Variants in CNTN5 observed in about 807,000 individuals in gnomAD.
CNTN5 encodes the protein contactin 5.
Under a neutral mutation model 129.1 loss-of-function variants are expected in CNTN5, and 77 were observed. The observed-to-expected ratio is 0.60, with a 90% confidence interval of 0.50 to 0.72. CNTN5 has a LOEUF of 0.72. CNTN5 is among the 30% of genes least tolerant of loss of function. The pLI is 0.00. For missense variants in CNTN5, 1,478 were observed against 1,328.8 expected, an observed-to-expected ratio of 1.11 and a Z score of -1.75; for synonymous variants, 509 against 465.6, an observed-to-expected ratio of 1.09 and a Z score of -1.20.
chr11:99,287,589 G>A (rs1397675976), intron 1 of CNTN5, among the ~76,000 whole-genome samples: 1 of 151,896 alleles, frequency 6.6e-6, no homozygotes, highest in Admixed American at 6.6e-5. Flanking sequence ...GAATATAGAG[G>A]ATCAAAACAT....
At chr11:99,328,870 C>CAAAAAAAAAAAAAAAAAACAAAA (rs10542347) in intron 2 of CNTN5, among the ~76,000 whole-genome samples, 1 of 87,652 alleles carries the variant, frequency 1.1e-5, no homozygotes, top group African/African-American at 4.6e-5. Flanking sequence ...AACTCCATCT[C>CAAAAAAAAAAAAAAAAAACAAAA]AAAAAAAAAA....
At chr11:100,274,687 A>G (rs1216062739) in intron 18 of CNTN5, among the ~76,000 whole-genome samples, 1 of 152,224 alleles carries the variant, frequency 6.6e-6, no homozygotes, top group Non-Finnish European at 1.5e-5. Flanking sequence ...CAAATGAGAT[A>G]CCATCTCATG....
intron 3 of CNTN5, among the ~76,000 whole-genome samples, chr11:99,809,662 C>T (rs1189025678): frequency 6.6e-6 from 1 of 152,012 alleles, no homozygotes; most frequent in Non-Finnish European, 1.5e-5. Flanking sequence ...TGATACTGAA[C>T]ATAATGAAAC....
chr11:100,308,235 T>C, intron 20 of CNTN5, 124 bp from the exon 21 acceptor site: 1 of 808,998 alleles, frequency 1.2e-6, no homozygotes, highest in Non-Finnish European at 1.9e-6. Flanking sequence ...TTGTGTTTTT[T>C]ATAACTACCA....
At chr11:100,044,149 CACAT>C (rs936524937) in intron 9 of CNTN5, among the ~76,000 whole-genome samples, 4 of 116,440 alleles carry the variant, frequency 3.4e-5, no homozygotes, top group Admixed American at 1.9e-4. Context: ...TGTATGTACA[CACAT>C]ATATATTACA....
In CNTN5 at chr11:99,578,032, T is replaced by C. The variant is rs189882033; in HGVS notation, c.55+21763T>C. Among the ~76,000 whole-genome samples, 594 of 137,602 alleles carry C rather than the reference T, an allele frequency of 4.3e-3. 21 individuals are homozygous for C. The East Asian group carries it at 0.097, about 22-fold the overall frequency. The allele number at this position is 137,602 out of a possible 152,430, so 90.3% of individuals were successfully genotyped here. ...TGTGATGTTCCCCTTCCAGTGTCCA[T>C]GTGTTCTCATTGTTCAATTCCCATC... On this transcript the variant is annotated intron_variant, in intron 3 of 24. Coordinates refer to ENST00000524871, the MANE Select transcript of CNTN5 (RefSeq NM_014361.4).
At chr11:100,121,288 T>C (rs770249437) in intron 13 of CNTN5, among the ~76,000 whole-genome samples, 3 of 152,082 alleles carry the variant, frequency 2.0e-5, no homozygotes, top group Non-Finnish European at 4.4e-5. Context: ...ACCAAGACTA[T>C]TGGATCCATA....
At chr11:99,862,265 C>G (rs1948229750) in intron 6 of CNTN5, among the ~76,000 whole-genome samples, 1 of 152,158 alleles carries the variant, frequency 6.6e-6, no homozygotes, top group Non-Finnish European at 1.5e-5. Flanking sequence ...AATACATTCA[C>G]TTTTACATGA....
chr11:99,167,432 C>T (rs1860924710), intron 1 of CNTN5, among the ~76,000 whole-genome samples: 1 of 152,108 alleles, frequency 6.6e-6, no homozygotes, highest in Non-Finnish European at 1.5e-5. Flanking sequence ...ATTTGACCAA[C>T]ACTTATACTG....
Position 99,150,506 on chromosome 11 carries a change from G to A in CNTN5, c.-210+129236G>A, listed in dbSNP as rs1232490380. Among the ~76,000 whole-genome samples, 5 of 151,820 alleles carry A rather than the reference G, an allele frequency of 3.3e-5. No individual in the cohort carries two copies. In the South Asian group the frequency reaches 1.0e-3, roughly 31 times the overall value. On this transcript the variant is annotated intron_variant, in intron 1 of 24. Transcript: ENST00000524871. ...ATAAATATATTACATATAAATAATT[G>A]TAGTTCATTTTGCCTTTTCCTTAAA...
chr11:99,876,786 A>G (rs1228541180), intron 6 of CNTN5, among the ~76,000 whole-genome samples: 4 of 152,166 alleles, frequency 2.6e-5, no homozygotes, highest in Non-Finnish European at 5.9e-5. Context: ...TGAGGCTCAG[A>G]TATATTAAGT....
intron 1 of CNTN5, among the ~76,000 whole-genome samples, chr11:99,072,392 G>T (rs1006321073): frequency 2.6e-5 from 4 of 152,022 alleles, no homozygotes; most frequent in African/African-American, 9.7e-5. Flanking sequence ...CTATTCAATT[G>T]AATAATATCA....
chr11:100,018,404 T>C (rs1238493152), intron 9 of CNTN5, among the ~76,000 whole-genome samples: 1 of 151,998 alleles, frequency 6.6e-6, no homozygotes, highest in African/African-American at 2.4e-5. Context: ...ACTGAAATCA[T>C]ACAATATCTA....
chr11:99,124,302 A>G (rs1858508629), intron 1 of CNTN5, among the ~76,000 whole-genome samples: 1 of 151,960 alleles, frequency 6.6e-6, no homozygotes. Context: ...TGTGAATGGG[A>G]TTATTTTCCA....
At chr11:99,059,882 G>C (rs1864803332) in intron 1 of CNTN5, among the ~76,000 whole-genome samples, 1 of 152,010 alleles carries the variant, frequency 6.6e-6, no homozygotes, top group South Asian at 2.1e-4. Context: ...AATGCCACTT[G>C]TGATTGTAAT....
rs527528445 is a variant in CNTN5 at position 99,232,184 on chromosome 11, A to G, written c.-209-93162A>G. Among the ~76,000 whole-genome samples the G allele has an allele frequency of 3.9e-5, 6 of 152,072 alleles. 1 individual carries two copies. Among genetic ancestry groups the G allele is most frequent in the African/African-American group, 7.2e-5 (3 of 41,384 alleles). On this transcript the variant is annotated intron_variant, in intron 1 of 24. Coordinates refer to ENST00000524871, the MANE Select transcript of CNTN5 (RefSeq NM_014361.4). The stretch of plus-strand genomic sequence containing the variant: ...AAAATAGTTTTTCTCTAATTTGGGG[A>G]AGAATGTCAATGGTCGTTTAATGGG...
intron 2 of CNTN5, among the ~76,000 whole-genome samples, chr11:99,395,849 T>C (rs1411845256): frequency 6.6e-6 from 1 of 151,888 alleles, no homozygotes; most frequent in African/African-American, 2.4e-5. Context: ...GAACGTATGG[T>C]CTTAGATGTT....
chr11:100,066,796 C>T (rs1310767746), intron 10 of CNTN5, among the ~76,000 whole-genome samples: 3 of 133,524 alleles, frequency 2.2e-5, no homozygotes, highest in Non-Finnish European at 4.7e-5. Flanking sequence ...ATTCAGAAGC[C>T]AAAGCCAATG....
At chr11:99,977,598 GGA>G (rs1280791761) in intron 8 of CNTN5, among the ~76,000 whole-genome samples, 5 of 152,110 alleles carry the variant, frequency 3.3e-5, no homozygotes, top group East Asian at 1.9e-4. Context: ...TGGTGGCAGG[GGA>G]GAGAGAGAGT....
Sources: gnomAD v4.1 joint callset for allele counts (sites outside exome capture counted in the v4.1 genomes callset) on GRCh38, gnomAD v4.1.1 for gene constraint, MANE v1.5 for transcripts, NCBI Gene and HGNC (gene_info 2026-07-23, HGNC 2026-07-21) for gene names.